Variants in RIMS2 observed in about 807,000 individuals in gnomAD.
RIMS2 encodes regulating synaptic membrane exocytosis protein 2.
A neutral mutation model predicts 174.4 loss-of-function variants in RIMS2; 59 were observed. The ratio of observed to expected loss-of-function variants is 0.34; its 90% CI spans 0.27 to 0.42. The LOEUF (loss-of-function observed/expected upper bound fraction) is 0.42, where lower values mean the gene tolerates loss of function less well. Among genes scored for constraint, RIMS2 ranks in the 10% least tolerant of loss-of-function variants. The probability of loss-of-function intolerance (pLI) is 1.00; values close to 1 mark genes in which losing one functional copy is unlikely to be tolerated. For missense variants in RIMS2, 1,620 were observed against 1,666.3 expected (o/e 0.97, Z 0.48); for synonymous variants, 606 against 572.5 (o/e 1.06, Z -0.84).
chr8:104,180,361 G>GTT (rs796317618), intron 19 of RIMS2, among the ~76,000 whole-genome samples: 15 of 139,850 alleles, frequency 1.1e-4, no homozygotes, highest in African/African-American at 3.1e-4. Flanking sequence ...TCTTAGTGAG[G>GTT]TTTTTTTTTT....
intron 2 of RIMS2, among the ~76,000 whole-genome samples, chr8:103,752,226 G>A (rs1021424335): frequency 2.0e-5 from 3 of 152,026 alleles, no homozygotes; most frequent in African/African-American, 7.2e-5. Flanking sequence ...CCCATTGCTT[G>A]TTTTTCTCAG....
At chr8:103,708,414 G>C (rs74571440) in intron 2 of RIMS2, among the ~76,000 whole-genome samples, 1,783 of 152,268 alleles carry the variant, frequency 0.012, 45 homozygotes, top group African/African-American at 0.041. Context: ...GGTGTAGACA[G>C]TGCTGTTCTT....
chr8:103,545,100 A>C (rs1176861417), intron 1 of RIMS2, among the ~76,000 whole-genome samples: 1 of 152,262 alleles, frequency 6.6e-6, no homozygotes, highest in Non-Finnish European at 1.5e-5. Context: ...AAGATCATCA[A>C]CATTCAGGAG....
chr8:104,161,481 G>A (rs2098760857), intron 19 of RIMS2, among the ~76,000 whole-genome samples: 1 of 152,150 alleles, frequency 6.6e-6, no homozygotes, highest in Admixed American at 6.5e-5. Context: ...GTTGGCAATA[G>A]GGATCTGTTG....
chr8:104,245,562 A>G (rs924543563), intron 20 of RIMS2, among the ~76,000 whole-genome samples: 76 of 152,348 alleles, frequency 5.0e-4, no homozygotes, highest in African/African-American at 1.7e-3. Flanking sequence ...AGCCTTTTAC[A>G]TAGTTATGAA....
At chr8:103,742,663 C>CTAA (rs1247100868) in intron 2 of RIMS2, among the ~76,000 whole-genome samples, 1 of 152,068 alleles carries the variant, frequency 6.6e-6, no homozygotes, top group African/African-American at 2.4e-5. Context: ...TTGTAAGTTG[C>CTAA]TAATACCCTC....
At chr8:104,184,087 G>C (rs928461248) in intron 19 of RIMS2, among the ~76,000 whole-genome samples, 1 of 151,576 alleles carries the variant, frequency 6.6e-6, no homozygotes, top group African/African-American at 2.4e-5. Context: ...AAAAGGAAAA[G>C]AACAATGTGC....
chr8:103,933,066 G>A (rs1358208992), intron 12 of RIMS2, among the ~76,000 whole-genome samples: 5 of 152,118 alleles, frequency 3.3e-5, no homozygotes, highest in African/African-American at 1.2e-4. Flanking sequence ...GCCGAGGTGG[G>A]CAGATCACGA....
chr8:103,985,539 A>G (rs1320655913), intron 16 of RIMS2, among the ~76,000 whole-genome samples: 1 of 150,828 alleles, frequency 6.6e-6, no homozygotes, highest in Non-Finnish European at 1.5e-5. Flanking sequence ...CAAAAGATGA[A>G]TGCTTGAAGG....
At chr8:103,594,469 CA>C (rs1686180857) in intron 1 of RIMS2, among the ~76,000 whole-genome samples, 1 of 151,610 alleles carries the variant, frequency 6.6e-6, no homozygotes, top group Admixed American at 6.6e-5. Context: ...AACACACACA[CA>C]AAAAGCCTAT....
chr8:104,124,100 A>G (rs1045608672), intron 19 of RIMS2, among the ~76,000 whole-genome samples: 2 of 152,202 alleles, frequency 1.3e-5, no homozygotes, highest in African/African-American at 4.8e-5. Flanking sequence ...ATTTAAAGAT[A>G]TGCAATCATG....
intron 3 of RIMS2, among the ~76,000 whole-genome samples, chr8:103,834,968 G>A (rs906865890): frequency 4.0e-5 from 6 of 151,360 alleles, no homozygotes; most frequent in Admixed American, 1.3e-4. Flanking sequence ...ACAGGTTATC[G>A]CCATGTTGTC....
chr8:104,055,507 T>G (rs2096853984), intron 19 of RIMS2, among the ~76,000 whole-genome samples: 1 of 152,186 alleles, frequency 6.6e-6, no homozygotes, highest in Non-Finnish European at 1.5e-5. Flanking sequence ...TATTTGTATC[T>G]TCTATAAACA....
At chr8:104,177,927 A>T (rs1458290861) in intron 19 of RIMS2, among the ~76,000 whole-genome samples, 1 of 152,148 alleles carries the variant, frequency 6.6e-6, no homozygotes, top group Non-Finnish European at 1.5e-5. Context: ...TTGGTTCTAG[A>T]CTTGAAAGAA....
chr8:103,626,170 A>T (rs1490674057), intron 1 of RIMS2, among the ~76,000 whole-genome samples: 2 of 152,186 alleles, frequency 1.3e-5, no homozygotes, highest in South Asian at 2.1e-4. Context: ...GTTAACTGTC[A>T]TGAGAATGTT....
chr8:104,113,368 T>G (rs568882682), intron 19 of RIMS2, among the ~76,000 whole-genome samples: 1 of 152,272 alleles, frequency 6.6e-6, no homozygotes, highest in East Asian at 1.9e-4. Flanking sequence ...TATGAGGCAG[T>G]TCATATTCTT....
chr8:103,757,874 C>T (rs977740829), intron 2 of RIMS2, among the ~76,000 whole-genome samples: 3 of 152,176 alleles, frequency 2.0e-5, no homozygotes, highest in African/African-American at 7.2e-5. Flanking sequence ...ATGATACTCA[C>T]CAGAAGCTGA....
At chr8:103,523,363 G>A (rs1406712483) in intron 1 of RIMS2, among the ~76,000 whole-genome samples, 1 of 151,460 alleles carries the variant, frequency 6.6e-6, no homozygotes, top group Non-Finnish European at 1.5e-5. Flanking sequence ...TTTGGGTCTT[G>A]CCCATGGACT....
intron 3 of RIMS2, among the ~76,000 whole-genome samples, chr8:103,812,452 C>G (rs1226566533): frequency 6.6e-6 from 1 of 150,392 alleles, no homozygotes; most frequent in African/African-American, 2.4e-5. Context: ...ACTGTGCGAT[C>G]TTGGTATATA....
Sources: gnomAD v4.1 joint callset for allele counts (sites outside exome capture counted in the v4.1 genomes callset) on GRCh38, gnomAD v4.1.1 for gene constraint, MANE v1.5 for transcripts, NCBI Gene and HGNC (gene_info 2026-07-23, HGNC 2026-07-21) for gene names.